Variants in ITPR1 observed in about 807,000 individuals in gnomAD.
The protein encoded by ITPR1 is inositol 1,4,5-trisphosphate-gated calcium channel ITPR1.
ITPR1 carries 96 observed loss-of-function variants against 318.4 expected under a neutral mutation model. The observed-to-expected ratio is 0.30, with a 90% CI of 0.26 to 0.36. The LOEUF (loss-of-function observed/expected upper bound fraction) is 0.36, where lower values mean the gene tolerates loss of function less well. Ranked by LOEUF, ITPR1 falls within the 10% of genes least tolerant of loss-of-function variation. ITPR1 has a pLI of 1.00. For missense variants in ITPR1, 2,440 were observed against 3,460.2 expected (o/e 0.71, Z 7.40); for synonymous variants, 1,312 against 1,289.9 (o/e 1.02, Z -0.37).
At chr3:4,819,307 C>A (rs753334272) in intron 60 of ITPR1, among the ~76,000 whole-genome samples, 8 of 152,212 alleles carry the variant, frequency 5.3e-5, no homozygotes, top group Non-Finnish European at 1.0e-4. Context: ...TCTGGAGATT[C>A]TGTGCCGTCT....
chr3:4,678,134 C>T (rs2094221592), intron 24 of ITPR1, among the ~76,000 whole-genome samples: 1 of 152,078 alleles, frequency 6.6e-6, no homozygotes, highest in East Asian at 1.9e-4. Context: ...CTGAAATCAC[C>T]CTTTACCAAT....
chr3:4,840,360 G>T (rs941721377), intron 61 of ITPR1, among the ~76,000 whole-genome samples: 2 of 152,078 alleles, frequency 1.3e-5, no homozygotes, highest in African/African-American at 4.8e-5. Flanking sequence ...TAATGACCAA[G>T]AAATCTTGTG....
intron 44 of ITPR1, 86 bp downstream of exon 44, chr3:4,735,440 C>G (rs1282949769): frequency 1.0e-5 from 12 of 1,171,802 alleles, no homozygotes; most frequent in African/African-American, 1.5e-5. Flanking sequence ...TGGGTGGTAC[C>G]AAGCCTTGTT....
rs761743436 is a variant in ITPR1, at chr3:4,675,242, C to G, written c.2773C>G (p.Leu925Val). 2.5e-6 allele frequency: 4 copies of G among 1,607,658 alleles called. No individual in the cohort carries two copies. Among genetic ancestry groups the G allele is most frequent in the South Asian group, 1.1e-5 (1 of 89,326 alleles). Reference protein sequence around the residue: ...ENKGNNDVEKLKSSNVMRSIH... With the variant: ...ENKGNNDVEKVKSSNVMRSIH... ...TAAAGGTAACAATGATGTGGAGAAG[C>G]TGAAGAGTGAGTATCTGAGGGTGCC... The change falls in exon 23 of 62, where the codon CTG becomes GTG. Residue 925 changes from leucine (L) to valine (V), a missense_variant. Physicochemically the swap from Leu to Val is conservative, Grantham distance 32. Around this residue, in one of 23 missense-constraint regions of ITPR1, gnomAD observed 478 missense variants for 696.3 expected, o/e 0.69. Coordinates refer to ENST00000649015, the MANE Select transcript of ITPR1 (RefSeq NM_001378452.1).
chr3:4,568,860 T>C (rs927365890), intron 4 of ITPR1, among the ~76,000 whole-genome samples: 2 of 152,284 alleles, frequency 1.3e-5, no homozygotes, highest in East Asian at 1.9e-4. Context: ...AGAGGTTTAA[T>C]TGGCTCACAG....
intron 21 of ITPR1, 150 bp downstream of exon 21, chr3:4,673,537 T>G: frequency 1.1e-6 from 1 of 885,702 alleles, no homozygotes. Flanking sequence ...AATATTTTTT[T>G]CCTCAAGAAT....
At chr3:4,673,934 T>A (rs1209148287) in intron 21 of ITPR1, among the ~76,000 whole-genome samples, 1 of 152,212 alleles carries the variant, frequency 6.6e-6, no homozygotes, top group Admixed American at 6.5e-5. Context: ...TGCAAATATT[T>A]AAGTGTGTAC....
At chr3:4,827,184 C>T (rs1436598987) in intron 60 of ITPR1, among the ~76,000 whole-genome samples, 1 of 152,234 alleles carries the variant, frequency 6.6e-6, no homozygotes, top group Non-Finnish European at 1.5e-5. Context: ...ACCCACCCTC[C>T]TGCTCCTGCC....
chr3:4,813,257 C>T, intron 57 of ITPR1, 23 bp downstream of exon 57: 1 of 1,538,078 alleles, frequency 6.5e-7, no homozygotes. Flanking sequence ...AACTGTAAGC[C>T]CCATGTTAAT....
At chr3:4,497,381 A>G (rs1354785037) in intron 2 of ITPR1, among the ~76,000 whole-genome samples, 1 of 152,248 alleles carries the variant, frequency 6.6e-6, no homozygotes, top group African/African-American at 2.4e-5. Flanking sequence ...TTTCTTGAGC[A>G]CCTGCTATGT....
At chr3:4,583,052 T>C (rs2089514515) in intron 4 of ITPR1, among the ~76,000 whole-genome samples, 1 of 152,308 alleles carries the variant, frequency 6.6e-6, no homozygotes, top group East Asian at 1.9e-4. Context: ...TTTCTCAGCA[T>C]GTACAAACTC....
chr3:4,843,697 T>C lies in ITPR1; in HGVS notation c.8191-2442T>C, dbSNP rs1490622602. Among the ~76,000 whole-genome samples the C allele has an allele frequency of 9.9e-5, 15 of 152,068 alleles. 1 individual carries two copies. On this transcript the variant is annotated intron_variant, in intron 61 of 61. Transcript: ENST00000649015. ...ACTACCTGAGCAAAGAATTGGCCAA[T>C]AACCCACATCAGTGGGGAGCCTTAA...
At position 4,697,226 on chromosome 3, in the gene ITPR1, A is replaced by G. The variant is rs1482969915; in HGVS notation, c.4361A>G (p.Asn1454Ser). Residue 1454 changes from asparagine to serine, a missense_variant, in exon 34 of 62, where the codon AAT (asparagine) becomes AGT (serine). Asn to Ser is a conservative substitution (Grantham distance 46). Transcript: ENST00000649015. The part of the protein sequence containing the change: ...EVEMKEIYTS[N>S]HMWKLFENFL... ...GAAATGAAGGAGATTTATACCAGCA[A>G]TCACATGTGGAAATTGTTTGAGAAT... is the stretch of plus-strand genomic sequence containing the variant. 7 of 1,585,582 alleles carry G rather than the reference A, an allele frequency of 4.4e-6. No individual in the cohort carries two copies. The highest frequency in any genetic ancestry group is 2.3e-5 in the East Asian group (1 of 44,136).
At chr3:4,633,508 T>C (rs1208254782) in intron 5 of ITPR1, among the ~76,000 whole-genome samples, 4 of 152,208 alleles carry the variant, frequency 2.6e-5, no homozygotes, top group Non-Finnish European at 4.4e-5. Context: ...TTTAAGGAAT[T>C]AGTTGTCTAG....
intron 38 of ITPR1, among the ~76,000 whole-genome samples, chr3:4,711,089 G>A (rs1418563859): frequency 1.3e-5 from 2 of 151,640 alleles, no homozygotes; most frequent in Non-Finnish European, 2.9e-5. Context: ...GCGGGCTCCT[G>A]TAATCCCAGC....
intron 61 of ITPR1, among the ~76,000 whole-genome samples, chr3:4,843,127 T>G (rs575952950): frequency 7.3e-6 from 1 of 136,890 alleles, no homozygotes; most frequent in South Asian, 2.6e-4. Flanking sequence ...TGACTGCTAC[T>G]AAAAGGCCAA....
intron 2 of ITPR1, among the ~76,000 whole-genome samples, chr3:4,498,589 C>G (rs1221078590): frequency 1.3e-5 from 2 of 152,182 alleles, no homozygotes; most frequent in Non-Finnish European, 2.9e-5. Flanking sequence ...ATTGTCCTTT[C>G]TGAAGAGACT....
intron 5 of ITPR1, among the ~76,000 whole-genome samples, chr3:4,637,878 A>C (rs2093237708): frequency 6.6e-6 from 1 of 152,212 alleles, no homozygotes. Flanking sequence ...TCACCTTTTG[A>C]AATGTTAATC....
intron 61 of ITPR1, among the ~76,000 whole-genome samples, chr3:4,837,210 C>T (rs2050986599): frequency 6.6e-6 from 1 of 152,120 alleles, no homozygotes; most frequent in African/African-American, 2.4e-5. Context: ...GAGGGAAATG[C>T]AGACTACTTC....
Sources: gnomAD v4.1 joint callset for allele counts (sites outside exome capture counted in the v4.1 genomes callset) on GRCh38, gnomAD v4.1.1 for gene constraint, gnomAD v4.1.1 regional missense constraint, MANE v1.5 for transcripts, NCBI Gene and HGNC (gene_info 2026-07-23, HGNC 2026-07-21) for gene names.